The following RNF144A variants were observed in gnomAD, a reference collection of about 807,000 sequenced individuals.
RNF144A encodes E3 ubiquitin-protein ligase RNF144A.
A neutral mutation model predicts 38.7 loss-of-function variants in RNF144A; 11 were observed. That is an observed-to-expected ratio of 0.28 (90% confidence interval 0.18 to 0.47). RNF144A has a LOEUF of 0.47. Ranked by LOEUF, RNF144A falls within the 20% of genes least tolerant of loss-of-function variation. The pLI is 0.99. For missense variants in RNF144A, 316 were observed against 377.2 expected, an observed-to-expected ratio of 0.84 and a Z score of 1.34; for synonymous variants, 149 against 143.9, an observed-to-expected ratio of 1.04 and a Z score of -0.25.
chr2:7,006,160 C>A lies in RNF144A; in HGVS notation c.136-8294C>A, dbSNP rs116681750. Among the ~76,000 whole-genome samples the A allele has an allele frequency of 5.9e-3, 903 of 152,198 alleles. 13 individuals carry two copies. Among genetic ancestry groups the A allele is most frequent in the African/African-American group, 0.021 (863 of 41,534 alleles). ...AGCCCAGAACCTCCATGAAGCAGAA[C>A]AGCTTGACGAGGGTCTGGAGTTGTC... On this transcript the variant is annotated intron_variant, in intron 3 of 8. Transcript: ENST00000320892.
At chr2:6,966,230 A>G (rs1417213879) in intron 2 of RNF144A, among the ~76,000 whole-genome samples, 2 of 152,266 alleles carry the variant, frequency 1.3e-5, no homozygotes, top group South Asian at 2.1e-4. Flanking sequence ...AACAGCAGGA[A>G]CATGAAGACT....
At chr2:7,017,284 A>G (rs1392464636) in intron 5 of RNF144A, among the ~76,000 whole-genome samples, 1 of 149,532 alleles carries the variant, frequency 6.7e-6, no homozygotes, top group East Asian at 2.0e-4. Context: ...TGCTGATGTC[A>G]GATGTCAACC....
intron 5 of RNF144A, 51 bp downstream of exon 5, chr2:7,014,823 G>T: frequency 7.5e-7 from 1 of 1,342,084 alleles, no homozygotes; most frequent in South Asian, 1.2e-5. Context: ...GTGTGAATGT[G>T]GATAATTTTG....
intron 6 of RNF144A, among the ~76,000 whole-genome samples, chr2:7,067,041 G>A (rs746420557): frequency 3.9e-5 from 6 of 152,158 alleles, no homozygotes; most frequent in Non-Finnish European, 8.8e-5. Context: ...AACTTATTTT[G>A]CAAGCAAATC....
At chr2:6,970,985 C>A (rs936647719) in intron 2 of RNF144A, among the ~76,000 whole-genome samples, 1 of 152,178 alleles carries the variant, frequency 6.6e-6, no homozygotes, top group Admixed American at 6.5e-5. Flanking sequence ...TAAAATCACT[C>A]GTCTTTACCT....
At chr2:6,925,319 C>T (rs1664788067) in intron 1 of RNF144A, among the ~76,000 whole-genome samples, 1 of 152,186 alleles carries the variant, frequency 6.6e-6, no homozygotes, top group East Asian at 1.9e-4. Flanking sequence ...GCCCTGAAAA[C>T]TGAGCCAGTC....
At chr2:6,925,339 G>A (rs1664789350) in intron 1 of RNF144A, among the ~76,000 whole-genome samples, 1 of 152,148 alleles carries the variant, frequency 6.6e-6, no homozygotes, top group South Asian at 2.1e-4. Flanking sequence ...CTGGTCATTG[G>A]TGGCCGGCAG....
chr2:7,004,604 T>G (rs1429142917), intron 3 of RNF144A, among the ~76,000 whole-genome samples: 1 of 152,240 alleles, frequency 6.6e-6, no homozygotes, highest in Non-Finnish European at 1.5e-5. Flanking sequence ...CCTTCCTGAG[T>G]GAAAATGCCT....
At chr2:7,038,302 T>C (rs992952334) in intron 8 of RNF144A, among the ~76,000 whole-genome samples, 3 of 152,190 alleles carry the variant, frequency 2.0e-5, no homozygotes, top group Admixed American at 2.0e-4. Context: ...CCACCTGCCA[T>C]TGGAAACCCT....
chr2:6,940,512 C>T (rs1665895736), intron 1 of RNF144A, among the ~76,000 whole-genome samples: 1 of 151,440 alleles, frequency 6.6e-6, no homozygotes, highest in Non-Finnish European at 1.5e-5. Flanking sequence ...TCCGTTTTGC[C>T]TTTTTTTTCA....
chr2:6,973,858 C>T (rs1668142773), intron 2 of RNF144A, among the ~76,000 whole-genome samples: 1 of 152,230 alleles, frequency 6.6e-6, no homozygotes, highest in Admixed American at 6.5e-5. Context: ...CTTCGTGCTC[C>T]AGCATCAGAG....
chr2:6,988,268 TG>T (rs1186347548), intron 2 of RNF144A, among the ~76,000 whole-genome samples: 1 of 152,260 alleles, frequency 6.6e-6, no homozygotes, highest in Non-Finnish European at 1.5e-5. Context: ...TTAGTCCATT[TG>T]TCACAATATG....
chr2:6,953,949 TAATG>T (rs1303798395), intron 2 of RNF144A, among the ~76,000 whole-genome samples: 1 of 152,170 alleles, frequency 6.6e-6, no homozygotes, highest in African/African-American at 2.4e-5. Context: ...TATGGATTCT[TAATG>T]AATTAAGACT....
intron 3 of RNF144A, among the ~76,000 whole-genome samples, chr2:7,003,485 C>T (rs1051751406): frequency 1.3e-5 from 2 of 152,164 alleles, no homozygotes; most frequent in Admixed American, 1.3e-4. Flanking sequence ...CGTTAATATG[C>T]GAAAATACTT....
chr2:7,009,762 G>A (rs1418667976), intron 3 of RNF144A, among the ~76,000 whole-genome samples: 1 of 152,174 alleles, frequency 6.6e-6, no homozygotes, highest in Non-Finnish European at 1.5e-5. Context: ...CGTGCCTCCA[G>A]CCTCCTTAAC....
intron 2 of RNF144A, among the ~76,000 whole-genome samples, chr2:6,968,076 C>T (rs180740465): frequency 4.6e-5 from 7 of 152,196 alleles, no homozygotes; most frequent in African/African-American, 7.2e-5. Context: ...TGGGATTTGG[C>T]GTCAATTGCT....
At chr2:6,957,787 T>C (rs1254365941) in intron 2 of RNF144A, among the ~76,000 whole-genome samples, 2 of 152,256 alleles carry the variant, frequency 1.3e-5, no homozygotes, top group Non-Finnish European at 2.9e-5. Context: ...AATGCTTTTA[T>C]TTTAAGTAAA....
chr2:7,005,961 C>T (rs951996424), intron 3 of RNF144A, among the ~76,000 whole-genome samples: 4 of 147,746 alleles, frequency 2.7e-5, no homozygotes, highest in African/African-American at 1.0e-4. Flanking sequence ...AACTGAAGTG[C>T]TGTTAGAGAA....
intron 2 of RNF144A, among the ~76,000 whole-genome samples, chr2:6,949,938 C>T (rs990377182): frequency 1.3e-5 from 2 of 152,028 alleles, no homozygotes; most frequent in African/African-American, 4.8e-5. Context: ...CTATCATCAT[C>T]ACCATTATTA....
Sources: gnomAD v4.1 joint callset for allele counts (sites outside exome capture counted in the v4.1 genomes callset) on GRCh38, gnomAD v4.1.1 for gene constraint, MANE v1.5 for transcripts, NCBI Gene and HGNC (gene_info 2026-07-23, HGNC 2026-07-21) for gene names.